The following PLXNA4 variants were observed in gnomAD, a reference collection of about 807,000 sequenced individuals.
PLXNA4 encodes plexin-A4.
Under a neutral mutation model 191.8 loss-of-function variants are expected in PLXNA4, and 44 were observed. The ratio of observed to expected loss-of-function variants is 0.23; its 90% CI spans 0.18 to 0.29. The LOEUF (loss-of-function observed/expected upper bound fraction) is 0.29, where lower values mean the gene tolerates loss of function less well. Among genes scored for constraint, PLXNA4 ranks in the 10% least tolerant of loss-of-function variants. The pLI, the probability that PLXNA4 is intolerant of heterozygous loss-of-function variation, is 1.00. For missense variants in PLXNA4, 1,800 were observed against 2,488.8 expected, an observed-to-expected ratio of 0.72 and a Z score of 5.89; for synonymous variants, 1,082 against 1,009.5, an observed-to-expected ratio of 1.07 and a Z score of -1.36.
chr7:132,304,968 C>T (rs536682692), intron 3 of PLXNA4, among the ~76,000 whole-genome samples: 19 of 152,344 alleles, frequency 1.2e-4, no homozygotes, highest in Non-Finnish European at 2.1e-4. Context: ...CATTCTAATC[C>T]AGGCTCATTT....
intron 10 of PLXNA4, among the ~76,000 whole-genome samples, chr7:132,208,891 G>C (rs1797711599): frequency 2.0e-5 from 3 of 152,180 alleles, no homozygotes; most frequent in South Asian, 2.1e-4. Flanking sequence ...TTGTGCTCTT[G>C]TTCCCAGGAG....
intron 2 of PLXNA4, among the ~76,000 whole-genome samples, chr7:132,597,322 CAGAT>C (rs1297264347): frequency 6.6e-6 from 1 of 152,202 alleles, no homozygotes; most frequent in East Asian, 1.9e-4. Context: ...AGTCCCCACT[CAGAT>C]AGAAGTCACT....
rs562024913 is a variant in PLXNA4, at chr7:132,381,890, G to A, written c.1372-83668C>T. 5.9e-5 allele frequency among the ~76,000 whole-genome samples: 9 copies of A among 152,308 alleles called. No individual in the cohort carries two copies. The South Asian group carries it at 8.3e-4, about 14-fold the overall frequency. On this transcript the variant is annotated intron_variant, in intron 3 of 31. Transcript: ENST00000321063. ...TCCCTCCAGGGCAGGAGCCAGAGGC[G>A]TCTGGTCGTCATCTGTGCACCCCCG...
chr7:132,292,896 C>T (rs752984652), intron 4 of PLXNA4, among the ~76,000 whole-genome samples: 3 of 152,168 alleles, frequency 2.0e-5, no homozygotes, highest in Non-Finnish European at 4.4e-5. Context: ...AAACCACAGG[C>T]ATGAGGAGGG....
intron 1 of PLXNA4, among the ~76,000 whole-genome samples, chr7:132,528,521 C>A (rs1231873965): frequency 6.6e-6 from 1 of 152,202 alleles, no homozygotes; most frequent in East Asian, 1.9e-4. Context: ...TCTCCTTCTC[C>A]CTGCCAGTGA....
chr7:132,192,585 A>G (rs1797127415), intron 14 of PLXNA4, among the ~76,000 whole-genome samples: 1 of 151,980 alleles, frequency 6.6e-6, no homozygotes, highest in South Asian at 2.1e-4. Flanking sequence ...GACAGAGAGG[A>G]AGGAGAATGA....
At chr7:132,615,804 C>T (rs1803141995) in intron 2 of PLXNA4, among the ~76,000 whole-genome samples, 1 of 146,230 alleles carries the variant, frequency 6.8e-6, no homozygotes, top group South Asian at 2.1e-4. Context: ...CATGCACATG[C>T]ACACACACAC....
chr7:132,485,219 C>G (rs976260577), intron 3 of PLXNA4, among the ~76,000 whole-genome samples: 1 of 152,192 alleles, frequency 6.6e-6, no homozygotes, highest in Non-Finnish European at 1.5e-5. Flanking sequence ...GCATGTCCCG[C>G]AACAGGCTAA....
At chr7:132,342,656 T>C (rs1271977583) in intron 3 of PLXNA4, among the ~76,000 whole-genome samples, 1 of 151,960 alleles carries the variant, frequency 6.6e-6, no homozygotes, top group Non-Finnish European at 1.5e-5. Context: ...TCAGAAGATA[T>C]TTACACGAGG....
rs1172853270 is a variant in PLXNA4, at chr7:132,132,442, G to C, written c.5589+607C>G. On this transcript the variant is annotated intron_variant, in intron 31 of 31. Coordinates refer to ENST00000321063, the MANE Select transcript of PLXNA4 (RefSeq NM_020911.2). ...GTTCTGTTCTGTTCTGTTCTGTTCTGTTCTGTTCTGTTCTGTTCTGTTCTG... is the reference window on the plus strand; with the variant it reads ...GTTCTGTTCTGTTCTGTTCTGTTCTCTTCTGTTCTGTTCTGTTCTGTTCTG... Among the ~76,000 whole-genome samples, 19 of 61,756 alleles carry C rather than the reference G, an allele frequency of 3.1e-4. 1 individual carries two copies. In the South Asian group the frequency reaches 4.2e-3, roughly 14 times the overall value. The allele number at this position is 61,756 out of a possible 152,430, so 40.5% of individuals were successfully genotyped here.
intron 3 of PLXNA4, among the ~76,000 whole-genome samples, chr7:132,400,520 T>C (rs1793940794): frequency 1.3e-5 from 2 of 152,088 alleles, no homozygotes; most frequent in South Asian, 4.1e-4. Context: ...ACAAAATCTG[T>C]GACATAATGT....
chr7:132,384,142 C>T (rs1585061970), intron 3 of PLXNA4: 1 of 985,424 alleles, frequency 1.0e-6, no homozygotes, highest in Non-Finnish European at 1.2e-6. Context: ...GATTCATTCC[C>T]TCCCACAGGC....
chr7:132,206,911 C>T (rs551824236), intron 10 of PLXNA4, among the ~76,000 whole-genome samples: 7 of 152,270 alleles, frequency 4.6e-5, no homozygotes, highest in South Asian at 2.1e-4. Context: ...TCCTGGAGGC[C>T]GGGAGGTTAA....
chr7:132,195,041 C>T (rs900577409), intron 13 of PLXNA4, among the ~76,000 whole-genome samples: 2 of 151,904 alleles, frequency 1.3e-5, no homozygotes, highest in Non-Finnish European at 2.9e-5. Flanking sequence ...CATATATTTG[C>T]ATACATATAC....
chr7:132,238,596 C>CT (rs1252356633), intron 5 of PLXNA4, among the ~76,000 whole-genome samples: 1 of 152,216 alleles, frequency 6.6e-6, no homozygotes, highest in African/African-American at 2.4e-5. Flanking sequence ...CAGCCCCTGC[C>CT]TTCTGAGAGC....
upstream of PLXNA4, among the ~76,000 whole-genome samples, chr7:132,579,251 C>T (rs545843562): frequency 5.3e-5 from 8 of 152,146 alleles, 1 homozygote; most frequent in African/African-American, 9.6e-5. Context: ...CAATTAAAGG[C>T]GCGGGGGAGA....
intron 6 of PLXNA4, 65 bp from the exon 7 acceptor site, chr7:132,227,669 TA>T: frequency 3.1e-6 from 5 of 1,594,946 alleles, no homozygotes; most frequent in Non-Finnish European, 4.3e-6. Flanking sequence ...AGGTATGGAA[TA>T]AAAAAAGAAA....
At chr7:132,371,442 G>A (rs1266593217) in intron 3 of PLXNA4, among the ~76,000 whole-genome samples, 5 of 152,152 alleles carry the variant, frequency 3.3e-5, no homozygotes, top group Non-Finnish European at 7.3e-5. Context: ...ATCACTTCTT[G>A]TGAGAGTTTC....
intron 3 of PLXNA4, among the ~76,000 whole-genome samples, chr7:132,316,477 A>G (rs1024786504): frequency 6.6e-6 from 1 of 152,160 alleles, no homozygotes; most frequent in African/African-American, 2.4e-5. Flanking sequence ...ACTCTCACAA[A>G]CTTCCAGGCT....
Sources: gnomAD v4.1 joint callset for allele counts (sites outside exome capture counted in the v4.1 genomes callset) on GRCh38, gnomAD v4.1.1 for gene constraint, MANE v1.5 for transcripts, NCBI Gene and HGNC (gene_info 2026-07-23, HGNC 2026-07-21) for gene names.